The following RS1 variants were observed in gnomAD, a reference collection of about 807,000 sequenced individuals.
The protein encoded by RS1 is retinoschisin.
Under a neutral mutation model 20.8 loss-of-function variants are expected in RS1, and 2 were observed. The observed-to-expected ratio is 0.10, with a 90% CI of 0.04 to 0.30. RS1 has a LOEUF of 0.30. RS1 is among the 10% of genes least tolerant of loss of function. The pLI, the probability that RS1 is intolerant of heterozygous loss-of-function variation, is 1.00. For synonymous variants in RS1, 70 were observed against 75.8 expected (o/e 0.92, Z 0.40); for missense variants, 151 against 189.8 (o/e 0.80, Z 1.20).
rs61753171 is a variant in RS1, at chrX:18,642,135, G to A, written c.544C>T (p.Arg182Cys). The A allele has an allele frequency of 1.7e-6, 2 of 1,211,473 alleles. No individual in the cohort carries two copies. Among genetic ancestry groups the A allele is most frequent in the East Asian group, 3.0e-5 (1 of 33,827 alleles). The change falls in exon 6 of 6, where the codon CGC becomes TGC. Residue 182 changes from arginine (R) to cysteine (C), a missense_variant. Coordinates refer to ENST00000379984, the MANE Select transcript of RS1 (RefSeq NM_000330.4). ...AGCAGGTTCTGAACCGTGGAGGTGC[G>A]GTCCGAGTTGCCATAGAAGACCTAG... is the stretch of plus-strand genomic sequence containing the variant. ...NNRVFYGNSD[R>C]TSTVQNLLRP...
intron 3 of RS1, among the ~76,000 whole-genome samples, chrX:18,651,370 A>G (rs1407720638): frequency 9.1e-6 from 1 of 110,028 alleles, no homozygotes; most frequent in Non-Finnish European, 1.9e-5. Flanking sequence ...GACCTGGAAG[A>G]TCTAGGCCTC....
intron 1 of RS1, among the ~76,000 whole-genome samples, chrX:18,661,877 G>C (rs1303785367): frequency 1.8e-5 from 2 of 112,551 alleles, no homozygotes; most frequent in African/African-American, 6.5e-5. Flanking sequence ...TGCCTGCTAG[G>C]GTCTTGGAGT....
At chrX:18,664,504 T>A (rs1048038789) in intron 1 of RS1, among the ~76,000 whole-genome samples, 2 of 110,748 alleles carry the variant, frequency 1.8e-5, no homozygotes, top group Non-Finnish European at 3.8e-5. Flanking sequence ...GGTGCACACC[T>A]GTAGTCCCAG....
intron 3 of RS1, among the ~76,000 whole-genome samples, chrX:18,649,041 CAAAAAAA>C (rs746581850): frequency 5.9e-5 from 3 of 50,828 alleles, no homozygotes; most frequent in African/African-American, 2.1e-4. Context: ...GACACTGTCT[CAAAAAAA>C]AAAAAAAAAA....
chrX:18,661,954 G>C (rs770947095), intron 1 of RS1, among the ~76,000 whole-genome samples: 43 of 112,348 alleles, frequency 3.8e-4, no homozygotes, highest in African/African-American at 1.4e-3. Flanking sequence ...ATTTGGGCAC[G>C]AAGGCAGGAG....
chrX:18,643,103 G>A (rs1306894713), intron 5 of RS1, among the ~76,000 whole-genome samples: 2 of 109,817 alleles, frequency 1.8e-5, no homozygotes, highest in Admixed American at 9.7e-5. Flanking sequence ...GGAGGGTGGT[G>A]CCAGAGTAAA....
intron 1 of RS1, among the ~76,000 whole-genome samples, chrX:18,660,774 A>G (rs1193743650): frequency 2.7e-5 from 3 of 112,043 alleles, no homozygotes; most frequent in Non-Finnish European, 5.6e-5. Context: ...GCTTGGCGCT[A>G]TACTAGGACT....
At chrX:18,666,803 G>T (rs549456049) in intron 1 of RS1, among the ~76,000 whole-genome samples, 4 of 110,841 alleles carry the variant, frequency 3.6e-5, no homozygotes, top group South Asian at 7.7e-4. Context: ...AGGGGTGGGG[G>T]TGTGAAAGAA....
In RS1 at chrX:18,642,017, C is replaced by T. The variant is rs1927596828; in HGVS notation, c.662G>A (p.Ser221Asn). 1 of 1,209,934 alleles carries T rather than the reference C, an allele frequency of 8.3e-7. No individual in the cohort carries two copies. Among genetic ancestry groups the T allele is most frequent in the African/African-American group, 1.7e-5 (1 of 57,237 alleles). ...AIRMELLECV[S>N]KCA ...CTGAGGCAGGCATCAGGCACACTTGCTGACGCACTCCAGCAGCTCCATCCG... is the reference window on the plus strand; with the variant it reads ...CTGAGGCAGGCATCAGGCACACTTGTTGACGCACTCCAGCAGCTCCATCCG... Residue 221 changes from serine (S) to asparagine (N), a missense_variant, in exon 6 of 6, where the codon AGC becomes AAC. Transcript: ENST00000379984.
Position 18,650,453 on chromosome X carries a change from G to A in RS1, c.185-3121C>T, listed in dbSNP as rs368344738. 4.1e-6 allele frequency: 5 copies of A among 1,210,173 alleles called. No individual in the cohort carries two copies. Among genetic ancestry groups the A allele is most frequent in the East Asian group, 3.0e-5 (1 of 33,768 alleles). On this transcript the variant is annotated intron_variant, in intron 3 of 5. Coordinates refer to ENST00000379984, the MANE Select transcript of RS1 (RefSeq NM_000330.4). ...GTGACCCAAAGAAGCCTCACACTCCGTGCGTCCCAAACCGAGCCCTTCATC... is the reference window on the plus strand; with the variant it reads ...GTGACCCAAAGAAGCCTCACACTCCATGCGTCCCAAACCGAGCCCTTCATC...
intron 3 of RS1, among the ~76,000 whole-genome samples, chrX:18,656,288 G>A (rs906917100): frequency 2.7e-5 from 3 of 111,787 alleles, no homozygotes; most frequent in South Asian, 3.7e-4. Flanking sequence ...CACTGTGCCC[G>A]TCCTCCCATT....
At position 18,646,154 on chromosome X, in the gene RS1, T is replaced by C; in HGVS notation, c.326+1037A>G. 4 of 1,200,791 alleles carry C rather than the reference T, an allele frequency of 3.3e-6. No individual in the cohort carries two copies. In the South Asian group the frequency reaches 7.1e-5, roughly 21 times the overall value. On this transcript the variant is annotated intron_variant, in intron 4 of 5. Transcript: ENST00000379984. ...CGACCCTAGACTACTGAATGAAACT[T>C]TTTTTTTTCCTTTCTGAGACAGAGT...
intron 5 of RS1, among the ~76,000 whole-genome samples, chrX:18,642,819 C>T (rs1406075393): frequency 9.2e-6 from 1 of 109,084 alleles, no homozygotes; most frequent in Non-Finnish European, 1.9e-5. Flanking sequence ...GCGGGCGGAT[C>T]GTTTGAGGTC....
At chrX:18,671,476 C>T (rs1602325736) in intron 1 of RS1, among the ~76,000 whole-genome samples, 1 of 111,590 alleles carries the variant, frequency 9.0e-6, no homozygotes, top group African/African-American at 3.3e-5. Flanking sequence ...ACTGAGTCTC[C>T]GAGGTTTCCT....
At chrX:18,650,206 G>C (rs1450201469) in intron 3 of RS1, 1 of 476,841 alleles carries the variant, frequency 2.1e-6, no homozygotes, top group Non-Finnish European at 3.7e-6. Context: ...GGCCTTGACA[G>C]CCTGGGAGGG....
chrX:18,644,301 G>A (rs370497039), intron 5 of RS1, 129 bp downstream of exon 5: 7 of 607,813 alleles, frequency 1.2e-5, no homozygotes, highest in African/African-American at 6.6e-5. Flanking sequence ...CATTGTGGGG[G>A]AAAGCGCAGA....
intron 3 of RS1, chrX:18,650,653 G>A: frequency 1.7e-6 from 2 of 1,146,062 alleles, no homozygotes; most frequent in African/African-American, 1.8e-5. Flanking sequence ...ATTGCCCGAG[G>A]AGCTGTAGAA....
intron 1 of RS1, among the ~76,000 whole-genome samples, chrX:18,665,078 A>G (rs1016292884): frequency 1.8e-5 from 2 of 111,739 alleles, no homozygotes; most frequent in South Asian, 7.4e-4. Flanking sequence ...CCCATCCAGA[A>G]GGCTCCTCCA....
At chrX:18,650,695 T>A in intron 3 of RS1, 1 of 940,119 alleles carries the variant, frequency 1.1e-6, no homozygotes, top group Non-Finnish European at 1.5e-6. Flanking sequence ...CCCCAGGGAT[T>A]CTGACATCAT....
Sources: allele counts gnomAD v4.1 joint callset (sites outside exome capture counted in the v4.1 genomes callset), GRCh38; gene constraint gnomAD v4.1.1; transcripts MANE v1.5; gene names NCBI Gene and HGNC (gene_info 2026-07-23, HGNC 2026-07-21).